ZNF521: variants seen among roughly 807,000 people sequenced by gnomAD.
ZNF521 encodes zinc finger protein 521.
A neutral mutation model predicts 105.5 loss-of-function variants in ZNF521; 14 were observed. The ratio of observed to expected loss-of-function variants is 0.13; its 90% CI spans 0.09 to 0.21. The LOEUF (loss-of-function observed/expected upper bound fraction) is 0.21. Ranked by LOEUF, ZNF521 falls within the 10% of genes least tolerant of loss-of-function variation. ZNF521 has a pLI of 1.00. For missense variants in ZNF521, 1,233 were observed against 1,629.7 expected, an observed-to-expected ratio of 0.76 and a Z score of 4.19; for synonymous variants, 635 against 606.0, an observed-to-expected ratio of 1.05 and a Z score of -0.70.
chr18:25,303,945 T>C (rs1448957206), intron 3 of ZNF521, among the ~76,000 whole-genome samples: 6 of 152,214 alleles, frequency 3.9e-5, no homozygotes, highest in Non-Finnish European at 8.8e-5. Flanking sequence ...CATTTTATAA[T>C]GAAGATAATA....
chr18:25,178,217 T>C (rs1482527993), intron 5 of ZNF521, among the ~76,000 whole-genome samples: 1 of 152,238 alleles, frequency 6.6e-6, no homozygotes, highest in Non-Finnish European at 1.5e-5. Context: ...CATATACAGA[T>C]ACCTACAGAA....
At chr18:25,137,268 C>A (rs2034753078) in intron 5 of ZNF521, among the ~76,000 whole-genome samples, 1 of 152,068 alleles carries the variant, frequency 6.6e-6, no homozygotes, top group Non-Finnish European at 1.5e-5. Context: ...AAAACACAAA[C>A]CAAAATAACC....
intron 5 of ZNF521, among the ~76,000 whole-genome samples, chr18:25,138,775 G>A (rs979588967): frequency 6.6e-6 from 1 of 152,196 alleles, no homozygotes; most frequent in Non-Finnish European, 1.5e-5. Context: ...GAGGTTGAGA[G>A]AAGAGAACTG....
At chr18:25,272,350 G>C (rs753697818) in intron 3 of ZNF521, among the ~76,000 whole-genome samples, 2 of 152,204 alleles carry the variant, frequency 1.3e-5, no homozygotes, top group Non-Finnish European at 2.9e-5. Context: ...GGAAGACAGT[G>C]TAGCGATTCC....
At chr18:25,252,977 G>C (rs1390139712) in intron 3 of ZNF521, among the ~76,000 whole-genome samples, 1 of 150,278 alleles carries the variant, frequency 6.7e-6, no homozygotes, top group African/African-American at 2.5e-5. Flanking sequence ...TTATCCATAA[G>C]GCAAACCAAC....
At chr18:25,094,505 C>T (rs1007935241) in intron 5 of ZNF521, among the ~76,000 whole-genome samples, 1 of 152,036 alleles carries the variant, frequency 6.6e-6, no homozygotes, top group Non-Finnish European at 1.5e-5. Context: ...TTTGTGAAAG[C>T]GCTAAGTGAC....
At chr18:25,190,330 G>C (rs1176275275) in intron 5 of ZNF521, among the ~76,000 whole-genome samples, 1 of 152,076 alleles carries the variant, frequency 6.6e-6, no homozygotes, top group Non-Finnish European at 1.5e-5. Flanking sequence ...CAGTGATTTT[G>C]AGCTTCTTAG....
In ZNF521 at chr18:25,167,357, T is replaced by C. The variant is rs572449184; in HGVS notation, c.3658+27803A>G. Among the ~76,000 whole-genome samples, 7 of 152,338 alleles carry C rather than the reference T, an allele frequency of 4.6e-5. No homozygotes were observed. In the South Asian group the frequency reaches 1.2e-3, roughly 27 times the overall value. ...CTTCTACAGTAATAGGCTGAATTTTTAAAGGCAGGTATCAGTATTAATACT... is the reference window on the plus strand; with the variant it reads ...CTTCTACAGTAATAGGCTGAATTTTCAAAGGCAGGTATCAGTATTAATACT... On this transcript the variant is annotated intron_variant, in intron 5 of 7. Coordinates refer to ENST00000361524, the MANE Select transcript of ZNF521 (RefSeq NM_015461.3).
intron 3 of ZNF521, among the ~76,000 whole-genome samples, chr18:25,288,000 T>A (rs1470125625): frequency 6.6e-6 from 1 of 152,038 alleles, no homozygotes; most frequent in East Asian, 1.9e-4. Flanking sequence ...ATTCTTATGA[T>A]TTTTTTTCCT....
At chr18:25,064,990 A>C (rs1047287020) in intron 7 of ZNF521, among the ~76,000 whole-genome samples, 1 of 152,200 alleles carries the variant, frequency 6.6e-6, no homozygotes, top group Non-Finnish European at 1.5e-5. Context: ...CTTGTCACCG[A>C]TATGTAGACA....
chr18:25,258,034 G>T (rs1170014430), intron 3 of ZNF521, among the ~76,000 whole-genome samples: 1 of 152,026 alleles, frequency 6.6e-6, no homozygotes. Flanking sequence ...GCCATTTGGA[G>T]GTATACATGT....
intron 2 of ZNF521, among the ~76,000 whole-genome samples, chr18:25,341,942 CACA>C (rs1914224035): frequency 6.6e-6 from 1 of 152,130 alleles, no homozygotes; most frequent in Non-Finnish European, 1.5e-5. Context: ...AAAACCAAAA[CACA>C]ACAAAACAAA....
chr18:25,306,701 T>C (rs187487542), intron 3 of ZNF521, among the ~76,000 whole-genome samples: 23 of 152,014 alleles, frequency 1.5e-4, no homozygotes, highest in East Asian at 1.9e-4. Context: ...AGAGGCCTTA[T>C]AAGTAGTAAT....
At chr18:25,310,524 T>C (rs1175625346) in intron 3 of ZNF521, among the ~76,000 whole-genome samples, 1 of 152,092 alleles carries the variant, frequency 6.6e-6, no homozygotes, top group Admixed American at 6.6e-5. Context: ...ATATATATTA[T>C]ACATGCAAAG....
At chr18:25,236,963 A>T (rs1906940740) in intron 3 of ZNF521, among the ~76,000 whole-genome samples, 1 of 152,224 alleles carries the variant, frequency 6.6e-6, no homozygotes, top group Non-Finnish European at 1.5e-5. Context: ...TTCTGAAAAT[A>T]AGGCGAATTA....
At chr18:25,143,143 TA>T (rs144820206) in intron 5 of ZNF521, among the ~76,000 whole-genome samples, 232 of 152,276 alleles carry the variant, frequency 1.5e-3, no homozygotes, top group African/African-American at 5.4e-3. Flanking sequence ...CTTTTTATCA[TA>T]TTTTCTACAT....
At chr18:25,173,795 C>T (rs7231534) in intron 5 of ZNF521, among the ~76,000 whole-genome samples, 79,911 of 151,982 alleles carry the variant, frequency 0.53, 21,892 homozygotes, top group East Asian at 0.7. Context: ...TTCTTTAACA[C>T]AGAACATCCA....
chr18:25,351,544 GA>G (rs1249917909), intron 1 of ZNF521: 7 of 150,940 alleles, frequency 4.6e-5, no homozygotes, highest in African/African-American at 1.7e-4. Flanking sequence ...ACGAGGGGGG[GA>G]AATCGACCCT....
chr18:25,085,355 G>A (rs865958140), intron 7 of ZNF521, among the ~76,000 whole-genome samples: 1 of 151,730 alleles, frequency 6.6e-6, no homozygotes, highest in Non-Finnish European at 1.5e-5. Flanking sequence ...TGTGATGAAC[G>A]TAACTTCTAC....
Sources: gnomAD v4.1 joint callset for allele counts (sites outside exome capture counted in the v4.1 genomes callset) on GRCh38, gnomAD v4.1.1 for gene constraint, MANE v1.5 for transcripts, NCBI Gene and HGNC (gene_info 2026-07-23, HGNC 2026-07-21) for gene names.